The following DKK3 variants were observed in gnomAD, a reference collection of about 807,000 sequenced individuals.
DKK3 encodes the protein dickkopf Wnt signaling pathway inhibitor 3.
DKK3 carries 22 observed loss-of-function variants against 33.2 expected under a neutral mutation model. That is an observed-to-expected ratio of 0.66 (90% CI 0.47 to 0.95). The LOEUF is 0.95. Among genes scored for constraint, DKK3 ranks in the 40% least tolerant of loss-of-function variants. DKK3 has a pLI of 0.00. For missense variants in DKK3, 398 were observed against 458.4 expected, an observed-to-expected ratio of 0.87 and a Z score of 1.20; for synonymous variants, 194 against 188.8, an observed-to-expected ratio of 1.03 and a Z score of -0.23.
At chr11:12,009,373 C>CGCCCCGA, upstream of DKK3, 1 of 975,536 alleles carries the variant, frequency 1.0e-6, no homozygotes, top group Non-Finnish European at 1.2e-6. Flanking sequence ...TCTCCGCCCC[C>CGCCCCGA]GCCCCGAGCC....
At chr11:11,999,991 T>C (rs1437585156) in intron 2 of DKK3, among the ~76,000 whole-genome samples, 1 of 152,254 alleles carries the variant, frequency 6.6e-6, no homozygotes, top group Admixed American at 6.5e-5. Context: ...CAGCTTTTTA[T>C]AGAATTAACC....
Position 11,987,073 on chromosome 11 carries a change from C to T in DKK3, c.435+11623G>A, listed in dbSNP as rs545390848. Among the ~76,000 whole-genome samples, 8 of 152,334 alleles carry T rather than the reference C, an allele frequency of 5.3e-5. No homozygotes were observed. The South Asian group carries it at 1.7e-3, about 32-fold the overall frequency. ...TCTACTAAGTATGTATTCAACTACT[C>T]AACCCCTATCCATGTCCAGCACAGA... On this transcript the variant is annotated intron_variant, in intron 3 of 6. Coordinates refer to ENST00000683431, the MANE Select transcript of DKK3 (RefSeq NM_001018057.2).
chr11:11,967,864 T>C (rs1590499224), intron 4 of DKK3, among the ~76,000 whole-genome samples: 2 of 152,166 alleles, frequency 1.3e-5, no homozygotes, highest in Admixed American at 6.5e-5. Context: ...CCCTCTCTTA[T>C]TGGCAGATTG....
intron 3 of DKK3, among the ~76,000 whole-genome samples, chr11:11,975,214 CCT>C (rs1218327244): frequency 1.3e-5 from 2 of 152,212 alleles, no homozygotes; most frequent in Non-Finnish European, 2.9e-5. Flanking sequence ...GCCCCAGTCT[CCT>C]CTGTTTCGGA....
At chr11:11,996,857 G>A (rs1030250539) in intron 3 of DKK3, among the ~76,000 whole-genome samples, 1 of 152,256 alleles carries the variant, frequency 6.6e-6, no homozygotes, top group Non-Finnish European at 1.5e-5. Flanking sequence ...GACTGCATGG[G>A]CAGGTGTGGA....
chr11:12,003,714 T>A (rs1172520869), intron 1 of DKK3, among the ~76,000 whole-genome samples: 1 of 151,950 alleles, frequency 6.6e-6, no homozygotes, highest in Non-Finnish European at 1.5e-5. Flanking sequence ...AACACTGCTA[T>A]TTTTGACTAT....
chr11:12,009,543 C>A (rs1408354599), upstream of DKK3: 2 of 975,604 alleles, frequency 2.1e-6, no homozygotes, highest in East Asian at 1.1e-4. Flanking sequence ...CTGCCTGCCC[C>A]TGCGCCCGCG....
At chr11:11,966,889 C>T in intron 5 of DKK3, 65 bp downstream of exon 5, 1 of 1,582,674 alleles carries the variant, frequency 6.3e-7, no homozygotes, top group Non-Finnish European at 8.6e-7. Flanking sequence ...GACGTGGCTC[C>T]AGGAGGTCCA....
At chr11:12,002,264 C>T (rs770912683) in intron 2 of DKK3, 36 bp downstream of exon 2, 14 of 1,597,954 alleles carry the variant, frequency 8.8e-6, no homozygotes, top group South Asian at 2.2e-5. Context: ...TGGGACTGGA[C>T]GCTATAGAAA....
At chr11:11,977,766 C>A (rs2135026022) in intron 3 of DKK3, among the ~76,000 whole-genome samples, 1 of 152,308 alleles carries the variant, frequency 6.6e-6, no homozygotes, top group African/African-American at 2.4e-5. Flanking sequence ...GGCCCAAATG[C>A]ACTGACAAGT....
chr11:12,009,187 T>C (rs1397667304), upstream of DKK3: 6 of 983,864 alleles, frequency 6.1e-6, no homozygotes, highest in East Asian at 4.6e-4. Context: ...CTGGACCGAG[T>C]TGCGCTGCGG....
At chr11:11,993,617 TTTC>T (rs1175115344) in intron 3 of DKK3, among the ~76,000 whole-genome samples, 3 of 152,236 alleles carry the variant, frequency 2.0e-5, no homozygotes, top group African/African-American at 2.4e-5. Context: ...TATTTACCCA[TTTC>T]TCAGAATGAT....
In DKK3 at chr11:12,003,741, T is replaced by A. The variant is rs545077620; in HGVS notation, c.214-1304A>T. Among the ~76,000 whole-genome samples, 754 of 148,832 alleles carry A rather than the reference T, an allele frequency of 5.1e-3. 4 individuals are homozygous for A. Among genetic ancestry groups the A allele is most frequent in the Non-Finnish European group, 6.9e-3 (452 of 65,730 alleles). On this transcript the variant is annotated intron_variant, in intron 1 of 6. Coordinates refer to ENST00000683431, the MANE Select transcript of DKK3 (RefSeq NM_001018057.2). The stretch of plus-strand genomic sequence containing the variant: ...TTTGACTATGGGCTATTTTTATTTT[T>A]TTTTTTAAAAAAAGAATGCTCAAAA...
chr11:12,007,272 CA>C (rs1848556429), intron 1 of DKK3, among the ~76,000 whole-genome samples: 1 of 152,210 alleles, frequency 6.6e-6, no homozygotes, highest in Non-Finnish European at 1.5e-5. Flanking sequence ...AAGCTGGAGA[CA>C]GCAGGGATGT....
chr11:11,996,344 G>C (rs1848293183), intron 3 of DKK3, among the ~76,000 whole-genome samples: 1 of 152,178 alleles, frequency 6.6e-6, no homozygotes, highest in Non-Finnish European at 1.5e-5. Context: ...CTGTAAAGAC[G>C]ATGCTGAAGC....
intron 3 of DKK3, 43 bp downstream of exon 3, chr11:11,998,653 G>C: frequency 6.4e-7 from 1 of 1,551,408 alleles, no homozygotes. Context: ...GAAAATGAAA[G>C]TGAGTGTGTC....
intron 3 of DKK3, among the ~76,000 whole-genome samples, chr11:11,981,845 G>T (rs565513584): frequency 6.6e-6 from 1 of 152,064 alleles, no homozygotes; most frequent in Non-Finnish European, 1.5e-5. Context: ...GGCCTTCTTG[G>T]TTGCTCTCCA....
intron 3 of DKK3, among the ~76,000 whole-genome samples, chr11:11,996,111 A>AC (rs1335513091): frequency 1.3e-5 from 2 of 152,220 alleles, no homozygotes; most frequent in African/African-American, 4.8e-5. Flanking sequence ...ATAGTATTTT[A>AC]AGGTTTACAC....
Position 11,964,103 on chromosome 11 carries a change from C to A in DKK3, c.*361G>T. 1 of 234,452 alleles carries A rather than the reference C, an allele frequency of 4.3e-6. No individual in the cohort carries two copies. The highest frequency in any genetic ancestry group is 8.3e-6 in the Non-Finnish European group (1 of 120,614). 14.5% of individuals were successfully genotyped at this position (234,452 alleles called of 1,614,324 possible). On this transcript the variant is annotated 3_prime_UTR_variant, in exon 7 of 7. Transcript: ENST00000683431. The stretch of plus-strand genomic sequence containing the variant: ...ACTCTTCTCCACATTTCCCCAAAAC[C>A]AATCAGAGGGAGACTCCACATTGTT...
Sources: allele counts gnomAD v4.1 joint callset (sites outside exome capture counted in the v4.1 genomes callset), GRCh38; gene constraint gnomAD v4.1.1; transcripts MANE v1.5; gene names NCBI Gene and HGNC (gene_info 2026-07-23, HGNC 2026-07-21).